Variants in VPS13B observed in about 807,000 individuals in gnomAD.
The protein encoded by VPS13B is intermembrane lipid transfer protein VPS13B.
A neutral mutation model predicts 426.4 loss-of-function variants in VPS13B; 285 were observed. That is an observed-to-expected ratio of 0.67 (90% CI 0.61 to 0.74). The LOEUF (loss-of-function observed/expected upper bound fraction) is 0.74. VPS13B is among the 30% of genes least tolerant of loss of function. VPS13B has a pLI of 0.00. For synonymous variants in VPS13B, 1,676 were observed against 1,676.4 expected, an observed-to-expected ratio of 1.00 and a Z score of 0.01; for missense variants, 4,537 against 4,782.6, an observed-to-expected ratio of 0.95 and a Z score of 1.51.
In VPS13B at chr8:99,507,223, T is replaced by A; in HGVS notation, c.4224+20T>A. 6.2e-7 allele frequency: 1 copy of A among 1,612,340 alleles called. No homozygotes were observed. ...TCTGTGGTGAGACCCATTTAGTTAC[T>A]ATGATTTTTGAAAATGTACTTTAAA... On this transcript the variant is annotated intron_variant, in intron 28 of 61. Transcript: ENST00000357162.
At chr8:99,062,592 C>T (rs1309879617) in intron 3 of VPS13B, among the ~76,000 whole-genome samples, 1 of 152,144 alleles carries the variant, frequency 6.6e-6, no homozygotes, top group East Asian at 1.9e-4. Flanking sequence ...CCTCAGCCTC[C>T]CGAGTAGCTG....
At chr8:99,046,775 T>A (rs1056123966) in intron 3 of VPS13B, among the ~76,000 whole-genome samples, 1 of 152,056 alleles carries the variant, frequency 6.6e-6, no homozygotes, top group African/African-American at 2.4e-5. Flanking sequence ...TTTTTTTGAA[T>A]GCTTTTTCTG....
chr8:99,041,697 C>T (rs1026213978), intron 3 of VPS13B, among the ~76,000 whole-genome samples: 5 of 151,922 alleles, frequency 3.3e-5, no homozygotes, highest in African/African-American at 9.7e-5. Context: ...ACTAAAAATA[C>T]AAAAAATTAG....
At chr8:99,667,221 A>T (rs1588605822) in intron 35 of VPS13B, among the ~76,000 whole-genome samples, 1 of 152,310 alleles carries the variant, frequency 6.6e-6, no homozygotes, top group Middle Eastern at 3.4e-3. Context: ...GATGAAGTAG[A>T]TGCTGTTGGT....
intron 21 of VPS13B, among the ~76,000 whole-genome samples, chr8:99,395,895 G>T (rs1814703273): frequency 6.6e-6 from 1 of 151,876 alleles, no homozygotes; most frequent in Non-Finnish European, 1.5e-5. Context: ...GAGAGAAATT[G>T]AAAATATATA....
intron 33 of VPS13B, among the ~76,000 whole-genome samples, chr8:99,629,876 A>C (rs1274531182): frequency 6.6e-6 from 1 of 152,118 alleles, no homozygotes; most frequent in East Asian, 1.9e-4. Context: ...TGGTGTTGCT[A>C]CCTGCAGTCT....
At chr8:99,067,206 G>T (rs1844573520) in intron 3 of VPS13B, among the ~76,000 whole-genome samples, 1 of 152,004 alleles carries the variant, frequency 6.6e-6, no homozygotes, top group Non-Finnish European at 1.5e-5. Context: ...ATGTTTATTG[G>T]GGCACTATTC....
At chr8:99,682,632 C>T (rs1056405619) in intron 35 of VPS13B, among the ~76,000 whole-genome samples, 1 of 152,020 alleles carries the variant, frequency 6.6e-6, no homozygotes, top group Non-Finnish European at 1.5e-5. Context: ...TACTGAGCTG[C>T]CTGGAGATGG....
intron 44 of VPS13B, among the ~76,000 whole-genome samples, 182 bp downstream of exon 44, chr8:99,809,712 C>T (rs1813600497): frequency 6.6e-6 from 1 of 152,056 alleles, no homozygotes; most frequent in African/African-American, 2.4e-5. Context: ...GGCTTCAAAC[C>T]CTTTGTCCCA....
intron 39 of VPS13B, among the ~76,000 whole-genome samples, chr8:99,740,345 G>A (rs1334347823): frequency 6.6e-6 from 1 of 152,238 alleles, no homozygotes; most frequent in African/African-American, 2.4e-5. Flanking sequence ...ATCTACGTCT[G>A]ACTGGTGTAC....
chr8:99,328,998 C>A (rs1205389487), intron 19 of VPS13B, among the ~76,000 whole-genome samples: 1 of 152,128 alleles, frequency 6.6e-6, no homozygotes, highest in Non-Finnish European at 1.5e-5. Context: ...TGCTCATCTA[C>A]TAAGACCTAC....
At chr8:99,561,160 C>T (rs372831539) in intron 31 of VPS13B, among the ~76,000 whole-genome samples, 2 of 152,126 alleles carry the variant, frequency 1.3e-5, no homozygotes, top group East Asian at 3.8e-4. Flanking sequence ...AAGTAAAATC[C>T]GTTGCCTGGT....
At chr8:99,172,177 C>T (rs1256517677) in intron 16 of VPS13B, among the ~76,000 whole-genome samples, 6 of 152,066 alleles carry the variant, frequency 3.9e-5, no homozygotes, top group Non-Finnish European at 7.4e-5. Context: ...TTGTTAAAGC[C>T]TAACTAAAAT....
Position 99,343,819 on chromosome 8 carries a change from A to G in VPS13B, c.2825-40389A>G, listed in dbSNP as rs1811382412. On this transcript the variant is annotated intron_variant, in intron 19 of 61. Coordinates refer to ENST00000357162, the MANE Select transcript of VPS13B (RefSeq NM_152564.5). ...ATAGAACACTGATGAAAGAAATGGA[A>G]GAAAACATAGGTTAATATAAAGATA... 3.3e-5 allele frequency among the ~76,000 whole-genome samples: 5 copies of G among 152,224 alleles called. No individual in the cohort carries two copies. The South Asian group carries it at 1.0e-3, about 31-fold the overall frequency.
Position 99,835,497 on chromosome 8 carries a change from C to CT in VPS13B, c.9743-39dup, listed in dbSNP as rs759554472. 241 of 1,596,044 alleles carry CT rather than the reference C, an allele frequency of 1.5e-4. 2 individuals are homozygous for CT. In the East Asian group the frequency reaches 4.1e-3, roughly 27 times the overall value. ...TATGTTCTGTCCCCCAAGTCTCTGTCTTTAAGGGCTAATTCTGCATATGCC... is the reference window on the plus strand; with the variant it reads ...TATGTTCTGTCCCCCAAGTCTCTGTCTTTTAAGGGCTAATTCTGCATATGCC... On this transcript the variant is annotated intron_variant, in intron 53 of 61. Transcript: ENST00000357162.
chr8:99,700,079 C>T, intron 36 of VPS13B, 147 bp downstream of exon 36: 1 of 1,019,024 alleles, frequency 9.8e-7, no homozygotes, highest in Non-Finnish European at 1.4e-6. Flanking sequence ...GGTTTGTGAC[C>T]TTATTTTTAG....
intron 43 of VPS13B, among the ~76,000 whole-genome samples, chr8:99,803,131 C>T: frequency 6.6e-6 from 1 of 152,118 alleles, no homozygotes; most frequent in Admixed American, 6.5e-5. Flanking sequence ...GTAATTATTA[C>T]CTTAGGATAG....
intron 35 of VPS13B, among the ~76,000 whole-genome samples, chr8:99,689,890 A>C (rs547937152): frequency 1.3e-5 from 2 of 152,362 alleles, no homozygotes; most frequent in Non-Finnish European, 2.9e-5. Context: ...TTGTTTCTAC[A>C]GAATGAGTAC....
intron 17 of VPS13B, among the ~76,000 whole-genome samples, chr8:99,229,277 A>G (rs1182311888): frequency 1.3e-5 from 2 of 152,202 alleles, no homozygotes; most frequent in Admixed American, 1.3e-4. Context: ...GGAAATGGCT[A>G]GGTCCTTCTA....
Sources: allele counts gnomAD v4.1 joint callset (sites outside exome capture counted in the v4.1 genomes callset), GRCh38; gene constraint gnomAD v4.1.1; transcripts MANE v1.5; gene names NCBI Gene and HGNC (gene_info 2026-07-23, HGNC 2026-07-21).